SND1: variants seen among roughly 807,000 people sequenced by gnomAD.
SND1 encodes staphylococcal nuclease and tudor domain containing 1.
In SND1, 38 loss-of-function variants were observed where a neutral mutation model predicts 121.7. That is an observed-to-expected ratio of 0.31 (90% CI 0.24 to 0.41). The LOEUF is 0.41. SND1 is among the 10% of genes least tolerant of loss of function. The pLI is 1.00. For missense variants in SND1, 868 were observed against 1,184.6 expected (o/e 0.73, Z 3.92); for synonymous variants, 401 against 447.4 (o/e 0.90, Z 1.31).
At chr7:127,767,815 A>T (rs1797447692) in intron 10 of SND1, among the ~76,000 whole-genome samples, 2 of 152,180 alleles carry the variant, frequency 1.3e-5, no homozygotes, top group Admixed American at 6.5e-5. Flanking sequence ...TCTTATATAG[A>T]TACATCTTAC....
At chr7:127,758,913 G>A (rs559484033) in intron 10 of SND1, among the ~76,000 whole-genome samples, 97 of 152,210 alleles carry the variant, frequency 6.4e-4, no homozygotes, top group African/African-American at 2.3e-3. Flanking sequence ...AATTAGCTGG[G>A]CATGGTGGTG....
intron 15 of SND1, among the ~76,000 whole-genome samples, chr7:127,984,994 T>C (rs1228358902): frequency 1.3e-5 from 2 of 152,240 alleles, no homozygotes; most frequent in Non-Finnish European, 2.9e-5. Flanking sequence ...GAGACTCTTA[T>C]TGGTTCACCT....
At chr7:127,888,520 C>G (rs1799952218) in intron 13 of SND1, among the ~76,000 whole-genome samples, 1 of 152,128 alleles carries the variant, frequency 6.6e-6, no homozygotes, top group Non-Finnish European at 1.5e-5. Context: ...ATTTGAGAAG[C>G]CCTGTGACAT....
chr7:128,023,673 G>A (rs959409477), intron 16 of SND1, among the ~76,000 whole-genome samples: 1 of 152,158 alleles, frequency 6.6e-6, no homozygotes, highest in Non-Finnish European at 1.5e-5. Context: ...CTGACTTCTA[G>A]ATCATCATCC....
At chr7:127,992,642 C>G (rs1168019267) in intron 16 of SND1, among the ~76,000 whole-genome samples, 1 of 152,190 alleles carries the variant, frequency 6.6e-6, no homozygotes, top group African/African-American at 2.4e-5. Context: ...AGTCAAATTT[C>G]TCACCATCAT....
chr7:127,870,005 G>A (rs1385990543), intron 12 of SND1, among the ~76,000 whole-genome samples: 11 of 152,164 alleles, frequency 7.2e-5, no homozygotes, highest in Non-Finnish European at 1.6e-4. Flanking sequence ...TAATCTGTGT[G>A]TGAATGTAGG....
chr7:127,667,209 C>G (rs1795433632), intron 1 of SND1, among the ~76,000 whole-genome samples: 1 of 152,116 alleles, frequency 6.6e-6, no homozygotes, highest in Non-Finnish European at 1.5e-5. Context: ...AGAGATGATT[C>G]ACTCTGAGTA....
intron 11 of SND1, among the ~76,000 whole-genome samples, chr7:127,808,701 C>T (rs528281789): frequency 1.3e-5 from 2 of 152,316 alleles, no homozygotes; most frequent in South Asian, 2.1e-4. Context: ...GTTCATCTGT[C>T]ATTGTACAAA....
At chr7:127,723,154 A>G (rs1331671521) in intron 10 of SND1, among the ~76,000 whole-genome samples, 2 of 152,192 alleles carry the variant, frequency 1.3e-5, no homozygotes, top group Admixed American at 6.5e-5. Context: ...TGGGGGTGTT[A>G]TAGCTTAGGT....
Position 127,807,582 on chromosome 7 carries a change from T to C in SND1, c.1242+9T>C. On this transcript the variant is annotated intron_variant, in intron 11 of 23. Transcript: ENST00000354725. ...AGCTTATTGGGAAGAAGGTAAGTAA[T>C]TGATGACAGAAGCATATTTGCAAGT... 6.2e-7 allele frequency: 1 copy of C among 1,606,034 alleles called. No homozygotes were observed. Among genetic ancestry groups the C allele is most frequent in the South Asian group, 1.1e-5 (1 of 90,926 alleles).
intron 16 of SND1, chr7:127,997,666 A>G (rs1239250734): frequency 1.9e-6 from 1 of 518,430 alleles, no homozygotes; most frequent in South Asian, 1.4e-5. Context: ...CTCAGTTTAC[A>G]TATATTCTTG....
At chr7:127,921,741 C>A (rs1446291953) in intron 14 of SND1, among the ~76,000 whole-genome samples, 4 of 152,184 alleles carry the variant, frequency 2.6e-5, no homozygotes, top group Non-Finnish European at 4.4e-5. Flanking sequence ...TTAGAGTCAA[C>A]TTCTAGTCCC....
At chr7:127,847,300 CATTAAT>C (rs1799083775) in intron 12 of SND1, among the ~76,000 whole-genome samples, 1 of 151,968 alleles carries the variant, frequency 6.6e-6, no homozygotes. Flanking sequence ...CAAAAAACTC[CATTAAT>C]ATTATAGAAA....
intron 15 of SND1, among the ~76,000 whole-genome samples, chr7:127,977,939 G>C (rs1035796400): frequency 1.4e-4 from 22 of 152,292 alleles, no homozygotes; most frequent in African/African-American, 5.1e-4. Flanking sequence ...GAGGTAGGTG[G>C]CAGAGGTTTA....
chr7:127,686,581 C>A (rs758950913), intron 1 of SND1, 32 bp from the exon 2 acceptor site: 1 of 1,604,924 alleles, frequency 6.2e-7, no homozygotes, highest in African/African-American at 1.3e-5. Context: ...GGCCTCTGGA[C>A]CATTCATTTT....
intron 15 of SND1, among the ~76,000 whole-genome samples, chr7:127,941,913 A>T (rs10275654): frequency 0.045 from 2,285 of 50,940 alleles, 15 homozygotes; most frequent in African/African-American, 0.1. Flanking sequence ...TTTTTTTTTT[A>T]AATTTTCCAA....
chr7:127,944,526 A>G (rs920874084), intron 15 of SND1, among the ~76,000 whole-genome samples: 53 of 152,196 alleles, frequency 3.5e-4, no homozygotes, highest in African/African-American at 1.2e-3. Context: ...CTCTACTGTC[A>G]TTCCCTCCCT....
intron 12 of SND1, among the ~76,000 whole-genome samples, chr7:127,864,698 C>G (rs1291031037): frequency 6.6e-6 from 1 of 152,132 alleles, no homozygotes. Flanking sequence ...TTAATATGAT[C>G]TAATTGAAGG....
chr7:127,701,772 G>A (rs939328956), intron 5 of SND1, among the ~76,000 whole-genome samples: 1 of 152,072 alleles, frequency 6.6e-6, no homozygotes, highest in African/African-American at 2.4e-5. Flanking sequence ...TATATAAAAT[G>A]GTGCAGTATT....
Sources: gnomAD v4.1 joint callset for allele counts (sites outside exome capture counted in the v4.1 genomes callset) on GRCh38, gnomAD v4.1.1 for gene constraint, MANE v1.5 for transcripts, NCBI Gene and HGNC (gene_info 2026-07-23, HGNC 2026-07-21) for gene names.